NOL4: variants seen among roughly 807,000 people sequenced by gnomAD.
NOL4 encodes cancer/testis antigen 125.
A neutral mutation model predicts 75.9 loss-of-function variants in NOL4; 17 were observed. The observed-to-expected ratio is 0.22, with a 90% confidence interval of 0.15 to 0.34. The LOEUF is 0.34. Among genes scored for constraint, NOL4 ranks in the 10% least tolerant of loss-of-function variants. NOL4 has a pLI of 1.00. For missense variants in NOL4, 614 were observed against 793.5 expected (o/e 0.77, Z 2.72); for synonymous variants, 292 against 289.9 (o/e 1.01, Z -0.07).
At chr18:34,130,825 A>G (rs1388086741) in intron 1 of NOL4, among the ~76,000 whole-genome samples, 1 of 152,164 alleles carries the variant, frequency 6.6e-6, no homozygotes, top group Non-Finnish European at 1.5e-5. Flanking sequence ...AAGAATTAAG[A>G]GAAAATATCA....
rs75387181 is a variant in NOL4, at chr18:34,143,500, T to A, written c.265-13480A>T. ...AACTTTTGAATACTTTTCTCAATAT[T>A]TTTTTGTAATTGATTTGGTATGTGA... On this transcript the variant is annotated intron_variant, in intron 1 of 10. Transcript: ENST00000261592. 1.2e-4 allele frequency among the ~76,000 whole-genome samples: 18 copies of A among 152,256 alleles called. No homozygotes were observed. In the East Asian group the frequency reaches 2.3e-3, roughly 20 times the overall value.
intron 9 of NOL4, among the ~76,000 whole-genome samples, chr18:33,936,504 G>A (rs892902788): frequency 2.0e-5 from 3 of 149,128 alleles, no homozygotes; most frequent in Non-Finnish European, 4.4e-5. Context: ...GGTAAGTAAC[G>A]TGCCATTTCC....
At chr18:34,161,982 T>A (rs7240763) in intron 1 of NOL4, among the ~76,000 whole-genome samples, 90,817 of 151,956 alleles carry the variant, frequency 0.6, 27,742 homozygotes, top group African/African-American at 0.74. Flanking sequence ...ATTATCCTCC[T>A]AACTTCTAAA....
chr18:33,871,589 C>T (rs1333948245), intron 10 of NOL4, among the ~76,000 whole-genome samples: 1 of 151,914 alleles, frequency 6.6e-6, no homozygotes. Context: ...CGTAATGAGC[C>T]CATGTCACCT....
chr18:33,911,150 A>T (rs1177135962), intron 9 of NOL4, among the ~76,000 whole-genome samples: 2 of 71,878 alleles, frequency 2.8e-5, no homozygotes, highest in African/African-American at 5.2e-5. Context: ...CCCCCACCCC[A>T]CCCTCTGGAA....
At chr18:34,203,301 G>A (rs1231644841) in intron 1 of NOL4, among the ~76,000 whole-genome samples, 1 of 151,874 alleles carries the variant, frequency 6.6e-6, no homozygotes, top group Non-Finnish European at 1.5e-5. Flanking sequence ...GGAAAGAGGT[G>A]GATGTGATTA....
chr18:33,957,946 A>T (rs929950456), intron 7 of NOL4, among the ~76,000 whole-genome samples: 8 of 152,110 alleles, frequency 5.3e-5, no homozygotes, highest in Admixed American at 4.6e-4. Flanking sequence ...AAAAGAAATA[A>T]CAGATGACGG....
chr18:34,009,697 T>C (rs2074260642), intron 6 of NOL4, among the ~76,000 whole-genome samples: 1 of 151,908 alleles, frequency 6.6e-6, no homozygotes, highest in Non-Finnish European at 1.5e-5. Flanking sequence ...CCCAAACTAG[T>C]AGCTGGGGGT....
chr18:34,182,641 G>A (rs1322280186), intron 1 of NOL4, among the ~76,000 whole-genome samples: 1 of 151,606 alleles, frequency 6.6e-6, no homozygotes, highest in Non-Finnish European at 1.5e-5. Context: ...CTGAGTGCAG[G>A]AGGAATAAAG....
chr18:34,038,650 C>T (rs746592396), intron 5 of NOL4, among the ~76,000 whole-genome samples: 1 of 151,848 alleles, frequency 6.6e-6, no homozygotes, highest in Non-Finnish European at 1.5e-5. Context: ...AGATAAATAC[C>T]GCATGTTCTC....
chr18:34,171,119 T>C (rs1043006902), intron 1 of NOL4, among the ~76,000 whole-genome samples: 41 of 152,152 alleles, frequency 2.7e-4, no homozygotes, highest in African/African-American at 8.7e-4. Flanking sequence ...GCATTATAAC[T>C]GTAGTTTACC....
At chr18:34,022,499 T>C (rs1014344651) in intron 5 of NOL4, among the ~76,000 whole-genome samples, 1 of 152,096 alleles carries the variant, frequency 6.6e-6, no homozygotes, top group African/African-American at 2.4e-5. Flanking sequence ...ATATAAGTAA[T>C]TTAGATAAAT....
At chr18:34,213,785 C>A (rs2036681958) in intron 1 of NOL4, among the ~76,000 whole-genome samples, 1 of 152,134 alleles carries the variant, frequency 6.6e-6, no homozygotes, top group Non-Finnish European at 1.5e-5. Flanking sequence ...TATAAATTAA[C>A]CATTCTGTTA....
intron 6 of NOL4, among the ~76,000 whole-genome samples, chr18:33,959,074 C>G (rs2069889798): frequency 6.6e-6 from 1 of 152,078 alleles, no homozygotes; most frequent in Non-Finnish European, 1.5e-5. Context: ...TCCTAATCCT[C>G]TGTTAAGTTT....
chr18:33,905,650 T>C (rs2065991450), intron 9 of NOL4, among the ~76,000 whole-genome samples: 1 of 152,184 alleles, frequency 6.6e-6, no homozygotes, highest in African/African-American at 2.4e-5. Context: ...GTTCAGTACA[T>C]GACAACTCTG....
intron 9 of NOL4, among the ~76,000 whole-genome samples, chr18:33,907,201 T>C (rs540532122): frequency 6.6e-6 from 1 of 151,742 alleles, no homozygotes; most frequent in African/African-American, 2.4e-5. Context: ...TTGGCACCTG[T>C]AGTCCCAGCT....
At chr18:33,927,822 A>G (rs2067436076) in intron 9 of NOL4, among the ~76,000 whole-genome samples, 1 of 152,172 alleles carries the variant, frequency 6.6e-6, no homozygotes, top group South Asian at 2.1e-4. Context: ...AACTGAGGTA[A>G]CAAGTATGTG....
chr18:34,217,325 C>T (rs1189312591), intron 1 of NOL4, among the ~76,000 whole-genome samples: 1 of 151,754 alleles, frequency 6.6e-6, no homozygotes, highest in African/African-American at 2.4e-5. Flanking sequence ...CACTCTGTTG[C>T]CCAGGCTGGA....
At chr18:34,103,014 T>C (rs976302774) in intron 4 of NOL4, among the ~76,000 whole-genome samples, 4 of 151,984 alleles carry the variant, frequency 2.6e-5, no homozygotes, top group Non-Finnish European at 5.9e-5. Context: ...TTTATAAATA[T>C]AGCTTGGAGG....
Sources: allele counts gnomAD v4.1 joint callset (sites outside exome capture counted in the v4.1 genomes callset), GRCh38; gene constraint gnomAD v4.1.1; transcripts MANE v1.5; gene names NCBI Gene and HGNC (gene_info 2026-07-23, HGNC 2026-07-21).